The following TTLL7 variants were observed in gnomAD, a reference collection of about 807,000 sequenced individuals.
The protein encoded by TTLL7 is tubulin polyglutamylase TTLL7.
A neutral mutation model predicts 120.2 loss-of-function variants in TTLL7; 53 were observed. The observed-to-expected ratio is 0.44, with a 90% CI of 0.35 to 0.55. The LOEUF is 0.55. TTLL7 is among the 20% of genes least tolerant of loss of function. The probability of loss-of-function intolerance (pLI) is 0.00; values close to 1 mark genes in which losing one functional copy is unlikely to be tolerated. For synonymous variants in TTLL7, 353 were observed against 351.7 expected, an observed-to-expected ratio of 1.00 and a Z score of -0.04; for missense variants, 803 against 1,054.7, an observed-to-expected ratio of 0.76 and a Z score of 3.31.
chr1:83,979,962 T>C (rs1651811449), intron 1 of TTLL7: 1 of 152,262 alleles, frequency 6.6e-6, no homozygotes, highest in Non-Finnish European at 1.5e-5. Flanking sequence ...GTTCTTCTGA[T>C]AGCTGACTTT....
At chr1:83,969,817 G>A (rs1650812781) in intron 1 of TTLL7, among the ~76,000 whole-genome samples, 1 of 151,918 alleles carries the variant, frequency 6.6e-6, no homozygotes, top group Admixed American at 6.6e-5. Flanking sequence ...AATTGAAAAT[G>A]AAGATCTTTC....
intron 10 of TTLL7, among the ~76,000 whole-genome samples, chr1:83,924,636 G>A (rs1658962238): frequency 6.6e-6 from 1 of 152,170 alleles, no homozygotes; most frequent in Admixed American, 6.5e-5. Context: ...GACTTCCAGA[G>A]ATGGATGGTG....
chr1:83,921,773 A>G (rs767539820), intron 10 of TTLL7, among the ~76,000 whole-genome samples: 3 of 152,118 alleles, frequency 2.0e-5, no homozygotes, highest in Non-Finnish European at 4.4e-5. Flanking sequence ...TTGAGTTCTT[A>G]TAAGATTAAT....
chr1:83,904,064 T>G lies in TTLL7; in HGVS notation c.2208+15A>C, dbSNP rs746864400. The stretch of plus-strand genomic sequence containing the variant: ...TAATCCAAGAGGGAAAAAACTTGTT[T>G]TGAGCATTACTCACTTTTCGTTGTT... On this transcript the variant is annotated intron_variant, in intron 18 of 20. Transcript: ENST00000260505. 5.4e-5 allele frequency: 86 copies of G among 1,606,832 alleles called. No individual in the cohort carries two copies. Among genetic ancestry groups the G allele is most frequent in the Non-Finnish European group, 6.9e-5 (81 of 1,174,800 alleles).
chr1:83,900,152 A>T (rs1321779988), intron 18 of TTLL7: 1 of 448,736 alleles, frequency 2.2e-6, no homozygotes, highest in Non-Finnish European at 4.5e-6. Flanking sequence ...AAAACAGAAT[A>T]GCACTGTCTT....
chr1:83,892,952 A>AAG (rs143741135), intron 18 of TTLL7, among the ~76,000 whole-genome samples: 30,682 of 128,910 alleles, frequency 0.24, 4,656 homozygotes, highest in East Asian at 0.54. Flanking sequence ...GAAAGAAAGA[A>AAG]AAGAATAAAA....
At chr1:83,939,257 T>G (rs1647709158) in intron 7 of TTLL7, among the ~76,000 whole-genome samples, 1 of 152,286 alleles carries the variant, frequency 6.6e-6, no homozygotes. Flanking sequence ...AAAAAGGAAA[T>G]TAATCAAGCT....
intron 1 of TTLL7, among the ~76,000 whole-genome samples, chr1:83,976,025 G>GTCTCTC (rs151019525): frequency 2.2e-3 from 203 of 91,822 alleles, no homozygotes; most frequent in African/African-American, 5.1e-3. Flanking sequence ...CTGAAATTTT[G>GTCTCTC]TCTCTCTCTG....
intron 14 of TTLL7, among the ~76,000 whole-genome samples, chr1:83,913,245 A>G (rs1004527966): frequency 6.6e-6 from 1 of 152,146 alleles, no homozygotes. Context: ...TTTATGTCCA[A>G]TTTTATTATG....
intron 1 of TTLL7, among the ~76,000 whole-genome samples, chr1:83,960,196 C>G (rs187336970): frequency 8.7e-4 from 133 of 152,250 alleles, no homozygotes; most frequent in Non-Finnish European, 1.4e-3. Flanking sequence ...ATAAATCATA[C>G]TGCTGAAACT....
At chr1:83,958,907 T>C (rs1649773324) in intron 1 of TTLL7, among the ~76,000 whole-genome samples, 1 of 152,198 alleles carries the variant, frequency 6.6e-6, no homozygotes, top group Admixed American at 6.5e-5. Flanking sequence ...CTCCTAGGTA[T>C]GCTGGTTCAC....
chr1:83,980,168 T>C (rs1651826101), intron 1 of TTLL7: 1 of 152,166 alleles, frequency 6.6e-6, no homozygotes, highest in Non-Finnish European at 1.5e-5. Context: ...CAAAAGAATA[T>C]TCTAGAGGAA....
At chr1:83,954,210 C>T (rs1649312718) in intron 1 of TTLL7, among the ~76,000 whole-genome samples, 1 of 152,082 alleles carries the variant, frequency 6.6e-6, no homozygotes, top group African/African-American at 2.4e-5. Flanking sequence ...ATACTAGATT[C>T]TAAAAACAAA....
intron 20 of TTLL7, among the ~76,000 whole-genome samples, chr1:83,871,970 A>T (rs1210305479): frequency 1.3e-5 from 2 of 152,000 alleles, no homozygotes; most frequent in East Asian, 3.9e-4. Flanking sequence ...TACATGAAAA[A>T]CGGAGGGCCA....
intron 1 of TTLL7, among the ~76,000 whole-genome samples, chr1:83,978,235 G>A (rs775336519): frequency 4.6e-5 from 7 of 152,152 alleles, no homozygotes; most frequent in Admixed American, 3.3e-4. Flanking sequence ...ACACCAGTCA[G>A]GAAGGGAGAT....
intron 15 of TTLL7, among the ~76,000 whole-genome samples, chr1:83,908,537 T>C (rs1383321126): frequency 6.6e-6 from 1 of 152,010 alleles, no homozygotes; most frequent in Non-Finnish European, 1.5e-5. Flanking sequence ...AGAACAAATA[T>C]CTAAGAGAAA....
At chr1:83,874,342 T>C (rs906368582) in intron 20 of TTLL7, among the ~76,000 whole-genome samples, 18 of 152,102 alleles carry the variant, frequency 1.2e-4, no homozygotes, top group African/African-American at 4.3e-4. Context: ...TTCTATTATA[T>C]GTGTATACCA....
rs945136974 is a variant in TTLL7, at chr1:83,907,435, A to G, written c.1992+21T>C. ...GTACAGAGCTCCCTGTAATCTTGAA[A>G]GAGCAAAACAGATGACCTACCACTT... On this transcript the variant is annotated intron_variant, in intron 16 of 20. Coordinates refer to ENST00000260505, the MANE Select transcript of TTLL7 (RefSeq NM_024686.6). The G allele has an allele frequency of 2.5e-6, 4 of 1,609,592 alleles. No homozygotes were observed. In the Admixed American group the frequency reaches 5.0e-5, roughly 20 times the overall value.
rs1404916934 is a variant in TTLL7 at position 83,950,636 on chromosome 1, G to T, written c.158-650C>A. Among the ~76,000 whole-genome samples the T allele has an allele frequency of 2.0e-5, 3 of 152,066 alleles. No individual in the cohort carries two copies. The East Asian group carries it at 5.8e-4, about 29-fold the overall frequency. On this transcript the variant is annotated intron_variant, in intron 3 of 20. Transcript: ENST00000260505. ...TCTAGATTTTACAATTAACATATTG[G>T]CATTTTTCTTCCACTGAATTTCAAG...
Sources: allele counts gnomAD v4.1 joint callset (sites outside exome capture counted in the v4.1 genomes callset), GRCh38; gene constraint gnomAD v4.1.1; transcripts MANE v1.5; gene names NCBI Gene and HGNC (gene_info 2026-07-23, HGNC 2026-07-21).